Variants in FBXO33 observed in about 807,000 individuals in gnomAD.
The protein encoded by FBXO33 is F-box only protein 33.
FBXO33 carries 22 observed loss-of-function variants against 46.3 expected under a neutral mutation model. The observed-to-expected ratio is 0.48, with a 90% CI of 0.34 to 0.68. The LOEUF is 0.68. FBXO33 is among the 30% of genes least tolerant of loss of function. The pLI, the probability that FBXO33 is intolerant of heterozygous loss-of-function variation, is 0.01. For synonymous variants in FBXO33, 337 were observed against 291.3 expected (o/e 1.16, Z -1.60); for missense variants, 692 against 708.8 (o/e 0.98, Z 0.27).
intron 1 of FBXO33, among the ~76,000 whole-genome samples, chr14:39,425,723 T>C (rs1350388405): frequency 6.6e-6 from 1 of 152,234 alleles, no homozygotes; most frequent in Non-Finnish European, 1.5e-5. Flanking sequence ...TGTTGTCCAG[T>C]AGTTTTCTTC....
rs753286646 is a variant in FBXO33 at position 39,401,439 on chromosome 14, T to G, written c.1133A>C (p.Asp378Ala). 3 of 1,614,204 alleles carry G rather than the reference T, an allele frequency of 1.9e-6. No individual in the cohort carries two copies. The South Asian group carries it at 3.3e-5, about 18-fold the overall frequency. The change falls in exon 3 of 4, where the codon GAT becomes GCT. Residue 378 changes from aspartate to alanine, a missense_variant. This residue lies in a region of FBXO33 where 186 missense variants were observed against 246.1 expected (regional missense o/e 0.76). Transcript: ENST00000298097. ...CTTTAACATATCTTCACTCTTGATA[T>G]CAAAAGCCATTATATAGACCCGAAA... is the stretch of plus-strand genomic sequence containing the variant. ...TSFRVYIMAF[D>A]IKSEDMLKIL...
chr14:39,424,601 A>G (rs183837385), intron 1 of FBXO33, among the ~76,000 whole-genome samples: 2 of 152,340 alleles, frequency 1.3e-5, no homozygotes, highest in East Asian at 1.9e-4. Context: ...CTGAAACAAC[A>G]TATTTTCCCA....
chr14:39,421,338 G>A (rs1211177707), intron 1 of FBXO33, among the ~76,000 whole-genome samples: 2 of 152,108 alleles, frequency 1.3e-5, no homozygotes, highest in African/African-American at 4.8e-5. Flanking sequence ...TACGTGATGA[G>A]CATCTACATG....
chr14:39,408,581 C>A (rs544132054), intron 1 of FBXO33, among the ~76,000 whole-genome samples: 1 of 151,744 alleles, frequency 6.6e-6, no homozygotes, highest in Non-Finnish European at 1.5e-5. Context: ...AGCACCATCT[C>A]GGCTCACTGC....
intron 1 of FBXO33, among the ~76,000 whole-genome samples, chr14:39,428,691 G>A (rs1348867052): frequency 6.6e-6 from 1 of 152,088 alleles, no homozygotes; most frequent in East Asian, 1.9e-4. Flanking sequence ...CTTACCATGA[G>A]CTCTCGTTTT....
intron 1 of FBXO33, among the ~76,000 whole-genome samples, chr14:39,418,888 C>T (rs1425451097): frequency 6.6e-6 from 1 of 151,898 alleles, no homozygotes; most frequent in African/African-American, 2.4e-5. Flanking sequence ...AAATGTTCTA[C>T]CAATGTTAGA....
chr14:39,415,683 T>C (rs2075444782), intron 1 of FBXO33, among the ~76,000 whole-genome samples: 1 of 152,198 alleles, frequency 6.6e-6, no homozygotes, highest in African/African-American at 2.4e-5. Context: ...TTTTCTTTTT[T>C]TGAGACAGAG....
intron 1 of FBXO33, among the ~76,000 whole-genome samples, chr14:39,419,830 C>A (rs1198435269): frequency 6.6e-6 from 1 of 152,166 alleles, no homozygotes; most frequent in African/African-American, 2.4e-5. Flanking sequence ...AATTAATGTA[C>A]TTTGATTCCT....
At chr14:39,430,425 G>A (rs1053666862) in intron 1 of FBXO33, among the ~76,000 whole-genome samples, 2 of 152,144 alleles carry the variant, frequency 1.3e-5, no homozygotes, top group South Asian at 2.1e-4. Context: ...TTAAACCAGG[G>A]ACTGCTCTCA....
chr14:39,400,351 A>C (rs1176177635), intron 3 of FBXO33, among the ~76,000 whole-genome samples: 1 of 152,244 alleles, frequency 6.6e-6, no homozygotes, highest in Non-Finnish European at 1.5e-5. Flanking sequence ...AGGAATAAAG[A>C]GGAATGAATA....
chr14:39,425,779 C>A (rs1054547834), intron 1 of FBXO33, among the ~76,000 whole-genome samples: 1 of 152,186 alleles, frequency 6.6e-6, no homozygotes, highest in African/African-American at 2.4e-5. Context: ...ATAGCAGTCA[C>A]TAGCCATATG....
intron 1 of FBXO33, among the ~76,000 whole-genome samples, chr14:39,407,957 T>C (rs2075406543): frequency 6.6e-6 from 1 of 152,236 alleles, no homozygotes; most frequent in Non-Finnish European, 1.5e-5. Context: ...TGTCTATTTA[T>C]TTAGAGACGG....
intron 1 of FBXO33, among the ~76,000 whole-genome samples, chr14:39,417,230 T>C (rs767600313): frequency 3.3e-4 from 51 of 152,252 alleles, no homozygotes; most frequent in Non-Finnish European, 6.3e-4. Context: ...GTTTCAGGCA[T>C]CTGGGCTCTA....
rs141118417 is a variant in FBXO33, at chr14:39,414,409, G to T, written c.600-11898C>A. On this transcript the variant is annotated intron_variant, in intron 1 of 3. Coordinates refer to ENST00000298097, the MANE Select transcript of FBXO33 (RefSeq NM_203301.4). ...ACCACCAAAACTTTATCAGTAATAA[G>T]GCCATTTCCCTTTCTTATCACTCAT... is the stretch of plus-strand genomic sequence containing the variant. Among the ~76,000 whole-genome samples the T allele has an allele frequency of 3.7e-3, 561 of 152,316 alleles. 5 individuals are homozygous for T. Among genetic ancestry groups the T allele is most frequent in the Middle Eastern group, 0.02 (6 of 294 alleles).
chr14:39,419,549 C>T (rs1377890712), intron 1 of FBXO33, among the ~76,000 whole-genome samples: 1 of 151,946 alleles, frequency 6.6e-6, no homozygotes, highest in Non-Finnish European at 1.5e-5. Flanking sequence ...TGGTAATAAA[C>T]AGATGTCTCA....
Position 39,398,295 on chromosome 14 carries a change from T to TTAA in FBXO33, c.*1218_*1220dup, listed in dbSNP as rs1313603077. 2.6e-5 allele frequency: 4 copies of TTAA among 152,750 alleles called. No individual in the cohort carries two copies. The South Asian group carries it at 8.3e-4, about 32-fold the overall frequency. The allele number at this position is 152,750 out of a possible 1,614,324, so 9.5% of individuals were successfully genotyped here. On this transcript the variant is annotated 3_prime_UTR_variant, in exon 4 of 4. Coordinates refer to ENST00000298097, the MANE Select transcript of FBXO33 (RefSeq NM_203301.4). ...CTGTACCGCGGTTGCCCTGAAACAG[T>TTAA]TAATAGGCTTTTAAAGCCTCTCAGA... is the stretch of plus-strand genomic sequence containing the variant.
chr14:39,408,110 T>C (rs537388437), intron 1 of FBXO33, among the ~76,000 whole-genome samples: 1 of 151,934 alleles, frequency 6.6e-6, no homozygotes, highest in South Asian at 2.1e-4. Context: ...CTGGCTAACT[T>C]TTTTTGTATT....
chr14:39,406,044 CAAAG>C, intron 1 of FBXO33, among the ~76,000 whole-genome samples: 1 of 151,474 alleles, frequency 6.6e-6, no homozygotes, highest in South Asian at 2.1e-4. Context: ...TATTAGACTC[CAAAG>C]AATACATTAC....
At chr14:39,412,542 T>C in intron 1 of FBXO33, among the ~76,000 whole-genome samples, 1 of 152,260 alleles carries the variant, frequency 6.6e-6, no homozygotes, top group Non-Finnish European at 1.5e-5. Context: ...TCCATTTATA[T>C]TTAAAGTAAT....
Sources: gnomAD v4.1 joint callset for allele counts (sites outside exome capture counted in the v4.1 genomes callset) on GRCh38, gnomAD v4.1.1 for gene constraint, gnomAD v4.1.1 regional missense constraint, MANE v1.5 for transcripts, NCBI Gene and HGNC (gene_info 2026-07-23, HGNC 2026-07-21) for gene names.